The following IGSF21 variants were observed in gnomAD, a reference collection of about 807,000 sequenced individuals.
IGSF21 encodes the protein immunoglobulin superfamily member 21.
In IGSF21, 28 loss-of-function variants were observed where a neutral mutation model predicts 46.8. That is an observed-to-expected ratio of 0.60 (90% CI 0.44 to 0.82). IGSF21 has a LOEUF of 0.82. Among genes scored for constraint, IGSF21 ranks in the 40% least tolerant of loss-of-function variants. The pLI, the probability that IGSF21 is intolerant of heterozygous loss-of-function variation, is 0.00. For missense variants in IGSF21, 624 were observed against 665.5 expected, an observed-to-expected ratio of 0.94 and a Z score of 0.69; for synonymous variants, 284 against 273.6, an observed-to-expected ratio of 1.04 and a Z score of -0.38.
intron 1 of IGSF21, among the ~76,000 whole-genome samples, chr1:18,194,900 G>A (rs2086992605): frequency 6.6e-6 from 1 of 152,216 alleles, no homozygotes; most frequent in Non-Finnish European, 1.5e-5. Flanking sequence ...GGCCGAGGAG[G>A]CCTCACAATC....
chr1:18,189,299 G>A (rs1260080432), intron 1 of IGSF21, among the ~76,000 whole-genome samples: 2 of 152,128 alleles, frequency 1.3e-5, no homozygotes. Context: ...ATGGCTTAGT[G>A]TCATCACCTC....
chr1:18,109,581 A>T lies in IGSF21; in HGVS notation c.70+1383A>T, dbSNP rs1246725368. On this transcript the variant is annotated intron_variant, in intron 1 of 9. Coordinates refer to ENST00000251296, the MANE Select transcript of IGSF21 (RefSeq NM_032880.5). This position sits in a 1 kb window ranked among gnomAD's most constrained non-coding sequence, Gnocchi z 4.8. ...TCCTTGGGGAGTGCTGGGTCTGCTG[A>T]TGGGAGAAGCTGCAGAATTTGAGCC... 1 of 152,318 alleles carries T rather than the reference A, an allele frequency of 6.6e-6. No homozygotes were observed. Among genetic ancestry groups the T allele is most frequent in the African/African-American group, 2.4e-5 (1 of 41,440 alleles). The allele number at this position is 152,318 out of a possible 1,614,324, so 9.4% of individuals were successfully genotyped here.
chr1:18,303,847 G>A (rs1372111649), intron 3 of IGSF21, among the ~76,000 whole-genome samples: 1 of 152,176 alleles, frequency 6.6e-6, no homozygotes, highest in African/African-American at 2.4e-5. Context: ...AGGGACACAG[G>A]CATCCATGTA....
At chr1:18,291,201 A>G (rs2085262895) in intron 2 of IGSF21, among the ~76,000 whole-genome samples, 1 of 152,170 alleles carries the variant, frequency 6.6e-6, no homozygotes, top group African/African-American at 2.4e-5. Flanking sequence ...TTGGGCTTCC[A>G]GCGCTGGCTT....
At chr1:18,294,867 G>T (rs1296676333) in intron 3 of IGSF21, among the ~76,000 whole-genome samples, 6 of 152,264 alleles carry the variant, frequency 3.9e-5, no homozygotes. Context: ...TCTTCAGGCT[G>T]CAGAGCCCCA....
intron 3 of IGSF21, among the ~76,000 whole-genome samples, chr1:18,326,893 G>A (rs2085663064): frequency 6.6e-6 from 1 of 152,124 alleles, no homozygotes; most frequent in South Asian, 2.1e-4. Flanking sequence ...AGCAGGGTGG[G>A]GGCCTCAGGC....
At position 18,169,906 on chromosome 1, in the gene IGSF21, G is replaced by A. The variant is rs991210658; in HGVS notation, c.71-57992G>A. Among the ~76,000 whole-genome samples, 9 of 147,168 alleles carry A rather than the reference G, an allele frequency of 6.1e-5. No homozygotes were observed. The South Asian group carries it at 1.5e-3, about 24-fold the overall frequency. On this transcript the variant is annotated intron_variant, in intron 1 of 9. Transcript: ENST00000251296. ...CAGGAGTGGAGCAGGGTTTTTTGGC[G>A]GGGGAGGGGATCTCTTACTCTGCAG...
In IGSF21 at chr1:18,178,774, G is replaced by A. The variant is rs552359084; in HGVS notation, c.71-49124G>A. ...TTCCCCTTCCCCCTACCCCACCCCA[G>A]GGTCTGGCCTCCCAGAGGACGGGTC... is the stretch of plus-strand genomic sequence containing the variant. On this transcript the variant is annotated intron_variant, in intron 1 of 9. Transcript: ENST00000251296. 2.7e-3 allele frequency among the ~76,000 whole-genome samples: 404 copies of A among 148,748 alleles called. 3 individuals carry two copies. Among genetic ancestry groups the A allele is most frequent in the African/African-American group, 9.2e-3 (376 of 40,882 alleles).
chr1:18,376,051 C>A (rs116117892), intron 6 of IGSF21: 4,109 of 391,728 alleles, frequency 0.01, 42 homozygotes, highest in Non-Finnish European at 0.015. Context: ...ATGTGTGAAC[C>A]CCCCAAGAGC....
At chr1:18,309,772 A>G (rs1415660699) in intron 3 of IGSF21, among the ~76,000 whole-genome samples, 1 of 152,172 alleles carries the variant, frequency 6.6e-6, no homozygotes, top group Non-Finnish European at 1.5e-5. Flanking sequence ...AGGAAATACC[A>G]GGGTGCCCTG....
intron 2 of IGSF21, among the ~76,000 whole-genome samples, chr1:18,245,198 CT>C (rs1221553744): frequency 6.6e-6 from 1 of 152,036 alleles, no homozygotes. Flanking sequence ...GATAAATATT[CT>C]TTTTTGTTAT....
intron 1 of IGSF21, among the ~76,000 whole-genome samples, chr1:18,221,694 C>T (rs367637558): frequency 1.2e-3 from 190 of 152,262 alleles, no homozygotes; most frequent in African/African-American, 4.4e-3. Flanking sequence ...AAGATGGATC[C>T]GTCTCCACTC....
intron 1 of IGSF21, among the ~76,000 whole-genome samples, chr1:18,222,044 T>C (rs183129372): frequency 2.0e-5 from 3 of 152,214 alleles, no homozygotes; most frequent in Non-Finnish European, 4.4e-5. Context: ...TGGGTGGCAG[T>C]GTTGCTGAGA....
intron 8 of IGSF21, 86 bp from the exon 9 acceptor site, chr1:18,377,307 C>T (rs1470494197): frequency 8.4e-7 from 1 of 1,195,442 alleles, no homozygotes; most frequent in Non-Finnish European, 1.3e-6. Context: ...TGATACCTCA[C>T]AGCAGGTGCT....
chr1:18,214,625 C>G (rs189127507), intron 1 of IGSF21, among the ~76,000 whole-genome samples: 98 of 152,180 alleles, frequency 6.4e-4, no homozygotes, highest in African/African-American at 2.0e-3. Context: ...TTGGGGAGGC[C>G]TTGGGAAACT....
intron 2 of IGSF21, among the ~76,000 whole-genome samples, chr1:18,237,163 G>A (rs534985216): frequency 1.1e-4 from 16 of 152,282 alleles, no homozygotes; most frequent in South Asian, 6.2e-4. Flanking sequence ...TCTCCTCATC[G>A]AGAATGTGAA....
At chr1:18,361,965 G>A in intron 4 of IGSF21, 150 bp from the exon 5 acceptor site, 2 of 612,864 alleles carry the variant, frequency 3.3e-6, no homozygotes, top group Non-Finnish European at 5.9e-6. Flanking sequence ...CACTGTAGTG[G>A]ATACCAATGG....
chr1:18,288,885 T>C (rs1479302817), intron 2 of IGSF21, among the ~76,000 whole-genome samples: 1 of 152,222 alleles, frequency 6.6e-6, no homozygotes, highest in African/African-American at 2.4e-5. Context: ...TATTTACTCC[T>C]CTGGCTGACA....
intron 2 of IGSF21, among the ~76,000 whole-genome samples, chr1:18,262,710 C>T (rs1156669718): frequency 6.6e-6 from 1 of 152,146 alleles, no homozygotes; most frequent in Non-Finnish European, 1.5e-5. Context: ...ATCCTCGTTG[C>T]CTTAATAAGT....
Sources: gnomAD v4.1 joint callset for allele counts (sites outside exome capture counted in the v4.1 genomes callset) on GRCh38, gnomAD v4.1.1 for gene constraint, Gnocchi (gnomAD v3.1) non-coding constraint, MANE v1.5 for transcripts, NCBI Gene and HGNC (gene_info 2026-07-23, HGNC 2026-07-21) for gene names.